PDZRN4: variants seen among roughly 807,000 people sequenced by gnomAD.
PDZRN4 encodes the protein PDZ domain containing ring finger 4, also known as PDZ domain-containing RING finger protein 4.
PDZRN4 carries 70 observed loss-of-function variants against 99.0 expected under a neutral mutation model. The ratio of observed to expected loss-of-function variants is 0.71; its 90% CI spans 0.58 to 0.86. The LOEUF (loss-of-function observed/expected upper bound fraction) is 0.86. Among genes scored for constraint, PDZRN4 ranks in the 40% least tolerant of loss-of-function variants. The probability of loss-of-function intolerance (pLI) is 0.00; values close to 1 mark genes in which losing one functional copy is unlikely to be tolerated. For synonymous variants in PDZRN4, 551 were observed against 501.6 expected (o/e 1.10, Z -1.32); for missense variants, 1,474 against 1,331.2 (o/e 1.11, Z -1.67).
At chr12:41,362,574 C>T (rs1951971619) in intron 3 of PDZRN4, among the ~76,000 whole-genome samples, 1 of 151,952 alleles carries the variant, frequency 6.6e-6, no homozygotes. Flanking sequence ...CCTAATGATC[C>T]TGCAAGTTTA....
At chr12:41,364,993 C>G (rs1208425287) in intron 3 of PDZRN4, among the ~76,000 whole-genome samples, 1 of 151,982 alleles carries the variant, frequency 6.6e-6, no homozygotes, top group Non-Finnish European at 1.5e-5. Context: ...TTCTAGCCCC[C>G]TAGGGTGAGT....
chr12:41,253,070 T>A (rs578034296), intron 3 of PDZRN4, among the ~76,000 whole-genome samples: 1 of 152,134 alleles, frequency 6.6e-6, no homozygotes, highest in African/African-American at 2.4e-5. Flanking sequence ...GTGGCATTAA[T>A]GTCGGTATTG....
At chr12:41,208,069 G>A (rs1382466038) in intron 3 of PDZRN4, among the ~76,000 whole-genome samples, 2 of 151,884 alleles carry the variant, frequency 1.3e-5, no homozygotes, top group African/African-American at 4.8e-5. Flanking sequence ...CACAGTTACA[G>A]ATAGTCATCC....
chr12:41,390,562 C>CAAAAAAAAAA (rs766893966), intron 3 of PDZRN4, among the ~76,000 whole-genome samples: 47 of 101,312 alleles, frequency 4.6e-4, no homozygotes, highest in South Asian at 7.0e-4. Context: ...AACTCCTAAG[C>CAAAAAAAAAA]AAAAAAAAAA....
intron 3 of PDZRN4, among the ~76,000 whole-genome samples, chr12:41,379,921 CTATT>C (rs1194556185): frequency 6.6e-6 from 1 of 151,930 alleles, no homozygotes; most frequent in East Asian, 1.9e-4. Context: ...ATGTGATTAT[CTATT>C]CCTTGTTTCC....
At chr12:41,408,493 A>T (rs1276522203) in intron 3 of PDZRN4, among the ~76,000 whole-genome samples, 1 of 152,176 alleles carries the variant, frequency 6.6e-6, no homozygotes. Flanking sequence ...TCAACATAAG[A>T]GATGAAGTCT....
intron 9 of PDZRN4, 63 bp downstream of exon 9, chr12:41,567,962 C>T: frequency 3.2e-6 from 3 of 935,080 alleles, no homozygotes; most frequent in South Asian, 3.5e-5. Context: ...TAATGTGTAA[C>T]CATAAATGAA....
intron 3 of PDZRN4, among the ~76,000 whole-genome samples, chr12:41,304,742 C>A: frequency 6.6e-6 from 1 of 152,152 alleles, no homozygotes; most frequent in Non-Finnish European, 1.5e-5. Context: ...TGCAAGCAAA[C>A]AAATCATTTC....
intron 3 of PDZRN4, among the ~76,000 whole-genome samples, chr12:41,343,088 T>C (rs549944725): frequency 6.6e-6 from 1 of 151,958 alleles, no homozygotes; most frequent in Non-Finnish European, 1.5e-5. Context: ...TAGATGGGCC[T>C]GGAGGATATA....
chr12:41,363,566 T>C (rs1404451493), intron 3 of PDZRN4, among the ~76,000 whole-genome samples: 2 of 152,080 alleles, frequency 1.3e-5, no homozygotes, highest in Non-Finnish European at 2.9e-5. Flanking sequence ...CAGGATGCAT[T>C]TGTTCAGGTT....
At chr12:41,400,252 A>G (rs974025298) in intron 3 of PDZRN4, among the ~76,000 whole-genome samples, 1 of 152,172 alleles carries the variant, frequency 6.6e-6, no homozygotes, top group African/African-American at 2.4e-5. Flanking sequence ...ATTTTGTAAT[A>G]GACACTATTG....
At chr12:41,238,880 C>A (rs996047738) in intron 3 of PDZRN4, among the ~76,000 whole-genome samples, 3 of 152,128 alleles carry the variant, frequency 2.0e-5, no homozygotes, top group African/African-American at 7.2e-5. Flanking sequence ...CAAATTAGTT[C>A]AAACACTGTG....
intron 3 of PDZRN4, among the ~76,000 whole-genome samples, chr12:41,391,795 G>A (rs1386292157): frequency 1.3e-5 from 2 of 152,126 alleles, no homozygotes; most frequent in Non-Finnish European, 2.9e-5. Context: ...TCTCTGGTGT[G>A]AGAAAGCTGA....
intron 5 of PDZRN4, among the ~76,000 whole-genome samples, chr12:41,541,319 A>G (rs1379622371): frequency 1.3e-5 from 2 of 152,096 alleles, no homozygotes; most frequent in African/African-American, 4.8e-5. Flanking sequence ...CTTGTGCCAA[A>G]TATTTAACAG....
intron 3 of PDZRN4, among the ~76,000 whole-genome samples, chr12:41,385,783 G>A (rs1379463363): frequency 1.3e-5 from 2 of 152,090 alleles, no homozygotes; most frequent in Admixed American, 6.5e-5. Context: ...CCAAAAAGTT[G>A]AGGAGGAAGG....
intron 5 of PDZRN4, among the ~76,000 whole-genome samples, chr12:41,543,050 C>T (rs1174661501): frequency 6.6e-6 from 1 of 152,118 alleles, no homozygotes; most frequent in East Asian, 1.9e-4. Context: ...CCTAATCCAC[C>T]TCTCTAGTGT....
intron 3 of PDZRN4, among the ~76,000 whole-genome samples, chr12:41,462,869 T>C (rs1290181269): frequency 6.6e-6 from 1 of 152,126 alleles, no homozygotes; most frequent in East Asian, 1.9e-4. Context: ...TGGCCAGATG[T>C]AAAAGGATTT....
intron 3 of PDZRN4, among the ~76,000 whole-genome samples, chr12:41,277,810 T>G (rs1013738144): frequency 1.3e-5 from 2 of 152,218 alleles, no homozygotes; most frequent in Non-Finnish European, 2.9e-5. Context: ...TTTGGTAGAT[T>G]AGCAGCTATA....
chr12:41,253,423 A>G (rs1951184224), intron 3 of PDZRN4, among the ~76,000 whole-genome samples: 1 of 152,118 alleles, frequency 6.6e-6, no homozygotes, highest in Admixed American at 6.5e-5. Context: ...TCTTGAAAAG[A>G]CTCAAAACCA....
Sources: gnomAD v4.1 joint callset for allele counts (sites outside exome capture counted in the v4.1 genomes callset) on GRCh38, gnomAD v4.1.1 for gene constraint, MANE v1.5 for transcripts, NCBI Gene and HGNC (gene_info 2026-07-23, HGNC 2026-07-21) for gene names.